MSRA: variants seen among roughly 807,000 people sequenced by gnomAD.
The protein encoded by MSRA is mitochondrial peptide methionine sulfoxide reductase.
MSRA carries 54 observed loss-of-function variants against 31.3 expected under a neutral mutation model. That is an observed-to-expected ratio of 1.73 (90% CI 1.39 to 2.17). The LOEUF is 2.17. Among genes scored for constraint, MSRA ranks in the 30% most tolerant of loss-of-function variants. The pLI, the probability that MSRA is intolerant of heterozygous loss-of-function variation, is 0.00. For missense variants in MSRA, 507 were observed against 300.9 expected, an observed-to-expected ratio of 1.69 and a Z score of -5.07; for synonymous variants, 169 against 116.5, an observed-to-expected ratio of 1.45 and a Z score of -2.90.
intron 5 of MSRA, among the ~76,000 whole-genome samples, chr8:10,406,390 A>G (rs1034388947): frequency 6.6e-6 from 1 of 152,246 alleles, no homozygotes; most frequent in Non-Finnish European, 1.5e-5. Flanking sequence ...TGTCACTTTC[A>G]TTTTAGAGAT....
At chr8:10,166,859 G>C (rs1178574706) in intron 1 of MSRA, among the ~76,000 whole-genome samples, 1 of 152,140 alleles carries the variant, frequency 6.6e-6, no homozygotes, top group African/African-American at 2.4e-5. Context: ...AAGCATCTTA[G>C]CATCATCTGG....
chr8:10,095,513 G>C (rs946188544), intron 1 of MSRA: 1 of 985,328 alleles, frequency 1.0e-6, no homozygotes, highest in African/African-American at 1.7e-5. Context: ...CTGGACCTCC[G>C]CCAAGACTGC....
chr8:10,407,953 G>T (rs957259493), intron 5 of MSRA, among the ~76,000 whole-genome samples: 7 of 152,160 alleles, frequency 4.6e-5, no homozygotes, highest in African/African-American at 1.7e-4. Flanking sequence ...CCGAATCTTT[G>T]AGTAGGTTAA....
intron 4 of MSRA, among the ~76,000 whole-genome samples, chr8:10,305,505 A>C (rs1159160076): frequency 6.8e-6 from 1 of 147,044 alleles, no homozygotes; most frequent in Non-Finnish European, 1.5e-5. Flanking sequence ...CCTCTGCTTC[A>C]CAGGTTCAAG....
intron 1 of MSRA, among the ~76,000 whole-genome samples, chr8:10,114,647 C>T (rs555640983): frequency 1.1e-4 from 17 of 152,216 alleles, no homozygotes; most frequent in African/African-American, 3.9e-4. Context: ...AGAGGTCTTA[C>T]GTAGCTGAGG....
At chr8:10,074,857 C>T (rs150981218) in intron 1 of MSRA, among the ~76,000 whole-genome samples, 262 of 152,202 alleles carry the variant, frequency 1.7e-3, no homozygotes, top group African/African-American at 2.3e-3. Context: ...CGGGGGTTCA[C>T]CGTGTTGGCC....
chr8:10,335,672 C>G (rs890329484), intron 5 of MSRA, among the ~76,000 whole-genome samples: 1 of 152,130 alleles, frequency 6.6e-6, no homozygotes, highest in Non-Finnish European at 1.5e-5. Flanking sequence ...CTTGGGTTCC[C>G]TGCTGAGTGA....
chr8:10,141,426 C>A (rs1030109647), intron 1 of MSRA, among the ~76,000 whole-genome samples: 2 of 152,156 alleles, frequency 1.3e-5, no homozygotes, highest in African/African-American at 4.8e-5. Flanking sequence ...AAACGCACTC[C>A]AATGCACAAG....
intron 5 of MSRA, among the ~76,000 whole-genome samples, chr8:10,364,837 G>A (rs909570401): frequency 6.6e-6 from 1 of 152,190 alleles, no homozygotes; most frequent in African/African-American, 2.4e-5. Flanking sequence ...ATCCCCGGAT[G>A]TAGAAACATT....
chr8:10,257,475 C>T (rs770064633), intron 3 of MSRA, among the ~76,000 whole-genome samples: 2 of 152,124 alleles, frequency 1.3e-5, no homozygotes, highest in South Asian at 2.1e-4. Context: ...GGCGTGACCT[C>T]GGCTCACTGC....
At chr8:10,202,588 A>G (rs945974309) in intron 1 of MSRA, among the ~76,000 whole-genome samples, 3 of 152,214 alleles carry the variant, frequency 2.0e-5, no homozygotes, top group Non-Finnish European at 4.4e-5. Flanking sequence ...TTCTGTGGGC[A>G]CATTCAGGGA....
intron 3 of MSRA, among the ~76,000 whole-genome samples, chr8:10,272,335 T>G (rs775696589): frequency 1.3e-5 from 2 of 152,188 alleles, no homozygotes; most frequent in Non-Finnish European, 2.9e-5. Context: ...ACAAGAGAGC[T>G]GATGGCATAG....
intron 5 of MSRA, chr8:10,353,624 G>A: frequency 2.2e-6 from 1 of 456,158 alleles, no homozygotes; most frequent in Non-Finnish European, 4.4e-6. Context: ...AGGTACCCAA[G>A]CATGTTCACT....
At chr8:10,156,322 G>C (rs1218063403) in intron 1 of MSRA, among the ~76,000 whole-genome samples, 1 of 152,188 alleles carries the variant, frequency 6.6e-6, no homozygotes, top group African/African-American at 2.4e-5. Flanking sequence ...TTAAAGGTGT[G>C]ACTGGATAGG....
intron 1 of MSRA, among the ~76,000 whole-genome samples, chr8:10,061,125 C>G (rs947182839): frequency 3.3e-5 from 5 of 152,160 alleles, no homozygotes; most frequent in Admixed American, 2.6e-4. Context: ...TTCTGTACCT[C>G]CCACAATGTG....
chr8:10,398,910 C>G (rs1807270001), intron 5 of MSRA, among the ~76,000 whole-genome samples: 1 of 152,174 alleles, frequency 6.6e-6, no homozygotes, highest in South Asian at 2.1e-4. Context: ...TGAGCCTCTC[C>G]CAGCTTCCTG....
intron 1 of MSRA, among the ~76,000 whole-genome samples, chr8:10,143,353 C>A (rs1201641522): frequency 6.6e-6 from 1 of 152,132 alleles, no homozygotes; most frequent in East Asian, 1.9e-4. Flanking sequence ...AAGCCAAATG[C>A]TTTCAGAAAA....
At chr8:10,137,198 A>G (rs1802347517) in intron 1 of MSRA, among the ~76,000 whole-genome samples, 1 of 152,106 alleles carries the variant, frequency 6.6e-6, no homozygotes, top group Non-Finnish European at 1.5e-5. Context: ...CTTTATTTTG[A>G]CGTGAGTTTT....
intron 5 of MSRA, among the ~76,000 whole-genome samples, chr8:10,333,857 A>G (rs892712899): frequency 1.3e-5 from 2 of 152,044 alleles, no homozygotes; most frequent in Non-Finnish European, 2.9e-5. Flanking sequence ...ATCTGTGGCA[A>G]CATTCCATGA....
Sources: gnomAD v4.1 joint callset for allele counts (sites outside exome capture counted in the v4.1 genomes callset) on GRCh38, gnomAD v4.1.1 for gene constraint, MANE v1.5 for transcripts, NCBI Gene and HGNC (gene_info 2026-07-23, HGNC 2026-07-21) for gene names.